The following CHL1 variants were observed in gnomAD, a reference collection of about 807,000 sequenced individuals.
CHL1 encodes the protein neural cell adhesion molecule L1-like protein.
A neutral mutation model predicts 141.9 loss-of-function variants in CHL1; 96 were observed. The observed-to-expected ratio is 0.68, with a 90% CI of 0.57 to 0.80. CHL1 has a LOEUF of 0.80. Ranked by LOEUF, CHL1 falls within the 30% of genes least tolerant of loss-of-function variation. The pLI, the probability that CHL1 is intolerant of heterozygous loss-of-function variation, is 0.00. For synonymous variants in CHL1, 613 were observed against 502.2 expected (o/e 1.22, Z -2.95); for missense variants, 1,820 against 1,457.2 (o/e 1.25, Z -4.05).
intron 18 of CHL1, 61 bp downstream of exon 18, chr3:382,732 T>C (rs1441840874): frequency 1.4e-6 from 2 of 1,393,490 alleles, no homozygotes; most frequent in East Asian, 4.6e-5. Flanking sequence ...TCTTTGAACA[T>C]CTAAAAAAAA....
intron 11 of CHL1, among the ~76,000 whole-genome samples, chr3:355,925 A>T (rs973554003): frequency 2.0e-5 from 3 of 152,026 alleles, no homozygotes; most frequent in African/African-American, 7.2e-5. Flanking sequence ...CTTCAAACCC[A>T]TTTCTTCATC....
chr3:326,714 G>C (rs1231261764), intron 4 of CHL1, among the ~76,000 whole-genome samples: 1 of 151,774 alleles, frequency 6.6e-6, no homozygotes, highest in African/African-American at 2.4e-5. Flanking sequence ...GAGGCTGTGG[G>C]AAGAATTCCC....
intron 1 of CHL1, among the ~76,000 whole-genome samples, chr3:214,749 T>C (rs1201900873): frequency 6.6e-6 from 1 of 152,184 alleles, no homozygotes; most frequent in Non-Finnish European, 1.5e-5. Flanking sequence ...ATACAGAAGA[T>C]ATAACTTATT....
At chr3:246,641 C>A (rs1025210957) in intron 2 of CHL1, 3 of 152,080 alleles carry the variant, frequency 2.0e-5, no homozygotes, top group African/African-American at 4.8e-5. Flanking sequence ...GTAAAATAAT[C>A]TTCAAGCTCT....
intron 20 of CHL1, 108 bp from the exon 21 acceptor site, chr3:390,593 T>C (rs1247138450): frequency 1.5e-6 from 1 of 659,536 alleles, no homozygotes; most frequent in Non-Finnish European, 2.7e-6. Flanking sequence ...GGAGTGAATT[T>C]CACAAAAGTG....
At chr3:363,078 A>G (rs915148907) in intron 13 of CHL1, 139 bp from the exon 14 acceptor site, 3 of 665,826 alleles carry the variant, frequency 4.5e-6, no homozygotes, top group African/African-American at 1.8e-5. Context: ...TGAGAAAAAT[A>G]TGAAACCCAC....
chr3:336,271 G>C (rs1701853601), intron 5 of CHL1, among the ~76,000 whole-genome samples: 1 of 152,050 alleles, frequency 6.6e-6, no homozygotes, highest in Admixed American at 6.6e-5. Flanking sequence ...TCTAGAAATA[G>C]GAAAATATAA....
At chr3:378,203 G>C (rs1706581677) in intron 16 of CHL1, among the ~76,000 whole-genome samples, 1 of 152,108 alleles carries the variant, frequency 6.6e-6, no homozygotes, top group South Asian at 2.1e-4. Flanking sequence ...TCCGCAGAAA[G>C]AAAAATAAAG....
At chr3:255,797 A>G (rs746076891) in intron 2 of CHL1, among the ~76,000 whole-genome samples, 58 of 152,310 alleles carry the variant, frequency 3.8e-4, no homozygotes, top group Non-Finnish European at 7.5e-4. Context: ...ATCCCTGGAC[A>G]GATACTCTAA....
intron 2 of CHL1, among the ~76,000 whole-genome samples, chr3:288,259 G>T (rs1185879090): frequency 6.6e-6 from 1 of 152,066 alleles, no homozygotes; most frequent in Admixed American, 6.5e-5. Context: ...GAAGGTATTG[G>T]TTAATCTATT....
At chr3:375,294 G>C (rs571617045) in intron 15 of CHL1, among the ~76,000 whole-genome samples, 1 of 152,168 alleles carries the variant, frequency 6.6e-6, no homozygotes, top group East Asian at 1.9e-4. Flanking sequence ...TAGGCAAAGG[G>C]AGGGACCTAG....
At chr3:268,942 G>A (rs1695401832) in intron 2 of CHL1, among the ~76,000 whole-genome samples, 1 of 152,198 alleles carries the variant, frequency 6.6e-6, no homozygotes, top group East Asian at 1.9e-4. Context: ...AATTATGAAT[G>A]TTAAAGGGTG....
At position 197,872 on chromosome 3, in the gene CHL1, C is replaced by CTTTTT. The variant is rs58240971; in HGVS notation, c.-175+820_-175+824dup. ...TCTTTGTGCCTCTCTCTTTCTCTCGCTTTTTTTTTTTTTTTGGAGTGTGAG... is the reference window on the plus strand; with the variant it reads ...TCTTTGTGCCTCTCTCTTTCTCTCGCTTTTTTTTTTTTTTTTTTTTGGAGTGTGAG... On this transcript the variant is annotated intron_variant, in intron 1 of 27. Transcript: ENST00000256509. 1,596 of 358,256 alleles carry CTTTTT rather than the reference C, an allele frequency of 4.5e-3. 38 individuals are homozygous for CTTTTT. Among genetic ancestry groups the CTTTTT allele is most frequent in the African/African-American group, 0.032 (1,291 of 40,706 alleles). The allele number at this position is 358,256 out of a possible 1,614,324, so 22.2% of individuals were successfully genotyped here.
In CHL1 at chr3:293,633, G is replaced by A. The variant is rs17021132; in HGVS notation, c.-94-26050G>A. ...AGAAATCAAAGACCCAGCGTCATAC[G>A]TTCTAATGTTTGATAAGATACTACC... is the stretch of plus-strand genomic sequence containing the variant. On this transcript the variant is annotated intron_variant, in intron 2 of 27. Coordinates refer to ENST00000256509, the MANE Select transcript of CHL1 (RefSeq NM_006614.4). Among the ~76,000 whole-genome samples, 661 of 152,186 alleles carry A rather than the reference G, an allele frequency of 4.3e-3. 10 individuals carry two copies. The highest frequency in any genetic ancestry group is 0.015 in the African/African-American group (626 of 41,510).
rs574868948 is a variant in CHL1 at position 328,208 on chromosome 3, A to C, written c.239A>C (p.Asp80Ala). The change falls in exon 5 of 28, where the codon GAC becomes GCC. Residue 80 changes from aspartate (D) to alanine (A), a missense_variant. Asp to Ala is a moderately radical substitution (Grantham distance 126, BLOSUM62 -2). Coordinates refer to ENST00000256509, the MANE Select transcript of CHL1 (RefSeq NM_006614.4). ...GATGGCAACCCTTTTTATTTCACTGACCATCGGATAATTCCATCGAACAAT... is the reference window on the plus strand; with the variant it reads ...GATGGCAACCCTTTTTATTTCACTGCCCATCGGATAATTCCATCGAACAAT... ...TKDGNPFYFT[D>A]HRIIPSNNSG... 1.9e-6 allele frequency: 3 copies of C among 1,607,912 alleles called. No homozygotes were observed. The South Asian group carries it at 3.3e-5, about 18-fold the overall frequency.
In CHL1 at chr3:317,690, G is replaced by A. The variant is rs530043614; in HGVS notation, c.-94-1993G>A. Among the ~76,000 whole-genome samples the A allele has an allele frequency of 2.9e-4, 43 of 150,702 alleles. 1 individual carries two copies. In the South Asian group the frequency reaches 9.0e-3, roughly 31 times the overall value. ...AAACAGGAAAAAGAAAATTCGAAGG[G>A]GCAGGGCATTGATATTTTCCTCAAA... On this transcript the variant is annotated intron_variant, in intron 2 of 27. Coordinates refer to ENST00000256509, the MANE Select transcript of CHL1 (RefSeq NM_006614.4).
chr3:231,575 C>CTTTTTTT (rs5845954), intron 1 of CHL1, among the ~76,000 whole-genome samples: 2 of 100,562 alleles, frequency 2.0e-5, no homozygotes, highest in African/African-American at 3.3e-5. Flanking sequence ...TTATTTCTTC[C>CTTTTTTT]TTTTTTTTTT....
chr3:208,033 A>T (rs1699590455), intron 1 of CHL1, among the ~76,000 whole-genome samples: 1 of 152,194 alleles, frequency 6.6e-6, no homozygotes, highest in African/African-American at 2.4e-5. Context: ...CCAATCAAGT[A>T]TAAAAACTGG....
intron 15 of CHL1, among the ~76,000 whole-genome samples, chr3:368,848 G>A (rs1205237914): frequency 6.6e-6 from 1 of 152,130 alleles, no homozygotes; most frequent in Non-Finnish European, 1.5e-5. Flanking sequence ...TGTTGAATAG[G>A]AGATCCTTTC....
Sources: allele counts gnomAD v4.1 joint callset (sites outside exome capture counted in the v4.1 genomes callset), GRCh38; gene constraint gnomAD v4.1.1; transcripts MANE v1.5; gene names NCBI Gene and HGNC (gene_info 2026-07-23, HGNC 2026-07-21).